Variants in C2orf49 observed in about 807,000 individuals in gnomAD.
The protein encoded by C2orf49 is tRNA splicing ligase complex subunit 2, also known as tRNA-splicing ligase complex subunit ASW.
In C2orf49, 11 loss-of-function variants were observed where a neutral mutation model predicts 20.6. The observed-to-expected ratio is 0.53, with a 90% CI of 0.34 to 0.88. The LOEUF (loss-of-function observed/expected upper bound fraction) is 0.88, where lower values mean the gene tolerates loss of function less well. Among genes scored for constraint, C2orf49 ranks in the 40% least tolerant of loss-of-function variants. C2orf49 has a pLI of 0.02. For missense variants in C2orf49, 289 were observed against 274.2 expected (o/e 1.05, Z -0.38); for synonymous variants, 134 against 108.5 (o/e 1.24, Z -1.46).
chr2:105,384,036 A>G, the C2orf49 span, among the ~76,000 whole-genome samples: 2 of 152,186 alleles, frequency 1.3e-5, no homozygotes, highest in African/African-American at 4.8e-5. Context: ...GCGTGGAAGG[A>G]TGACGGCTTT....
the C2orf49 span, chr2:105,363,548 C>T: frequency 7.5e-6 from 10 of 1,341,340 alleles, no homozygotes; most frequent in East Asian, 1.0e-4. Context: ...TGCCACTGGA[C>T]GATGCAAGAT....
In C2orf49 at chr2:105,343,181, G is replaced by C. The variant is rs1679719802; in HGVS notation, c.600G>C (p.Val200=). ...TGTCCCCTGTTGGAACTACTCCAGT[G>C]AAGTTAAAGAGAGCTGCTCCTAAAG... is the stretch of plus-strand genomic sequence containing the variant. The part of the protein sequence containing the change: ...PPLSPVGTTP[V]KLKRAAPKEE... The change falls in exon 3 of 4, where the codon GTG becomes GTC. Residue 200 remains valine (V), a synonymous_variant. Transcript: ENST00000258457. 6.2e-7 allele frequency: 1 copy of C among 1,611,316 alleles called. No homozygotes were observed. The highest frequency in any genetic ancestry group is 8.5e-7 in the Non-Finnish European group (1 of 1,179,104).
the C2orf49 span, among the ~76,000 whole-genome samples, chr2:105,385,516 C>G: frequency 6.6e-6 from 1 of 152,160 alleles, no homozygotes; most frequent in African/African-American, 2.4e-5. Flanking sequence ...TGACTTGGTG[C>G]CCATTCAGTT....
the C2orf49 span, among the ~76,000 whole-genome samples, chr2:105,365,226 G>A: frequency 6.6e-6 from 1 of 152,104 alleles, no homozygotes. Flanking sequence ...CTCCTCCATA[G>A]CACACTGCTC....
At chr2:105,338,061 C>A (rs1012663594) in intron 1 of C2orf49, among the ~76,000 whole-genome samples, 2 of 152,120 alleles carry the variant, frequency 1.3e-5, no homozygotes, top group African/African-American at 4.8e-5. Flanking sequence ...ATCTGAGAAA[C>A]CGTCCATTCC....
rs1679869958 is a variant in C2orf49 at position 105,348,556 on chromosome 2, A to ATATATATATATG, written c.*3186_*3187insATATATATATGT. The ATATATATATATG allele has an allele frequency of 7.1e-6, 1 of 141,506 alleles. No individual in the cohort carries two copies. The highest frequency in any genetic ancestry group is 1.5e-5 in the Non-Finnish European group (1 of 64,784). 8.8% of individuals were successfully genotyped at this position (141,506 alleles called of 1,614,324 possible). The stretch of plus-strand genomic sequence containing the variant: ...TATATATATATATATATATATATAT[A>ATATATATATATG]TGTAAGAGCTTCCTCTATTTACTAC... On this transcript the variant is annotated 3_prime_UTR_variant, in exon 4 of 4. Coordinates refer to ENST00000258457, the MANE Select transcript of C2orf49 (RefSeq NM_024093.3).
At chr2:105,383,398 C>T in the C2orf49 span, among the ~76,000 whole-genome samples, 2 of 152,136 alleles carry the variant, frequency 1.3e-5, no homozygotes. Context: ...TAATCTTTAC[C>T]CTTTGAGATC....
At position 105,337,571 on chromosome 2, in the gene C2orf49, G is replaced by T. The variant is rs1679532882; in HGVS notation, c.-17G>T. On this transcript the variant is annotated 5_prime_UTR_variant, in exon 1 of 4. Coordinates refer to ENST00000258457, the MANE Select transcript of C2orf49 (RefSeq NM_024093.3). ...GGGGCTTTGTGGGTAGCCGACTGGG[G>T]TCTCCTGGCGACGACCATGGCGGGG... is the stretch of plus-strand genomic sequence containing the variant. 1.9e-6 allele frequency: 3 copies of T among 1,613,368 alleles called. No individual in the cohort carries two copies. The highest frequency in any genetic ancestry group is 4.5e-5 in the East Asian group (2 of 44,876).
the C2orf49 span, among the ~76,000 whole-genome samples, chr2:105,380,887 G>A: frequency 0.053 from 8,026 of 152,282 alleles, 668 homozygotes; most frequent in African/African-American, 0.18. Context: ...AAACATGTAC[G>A]ATTAGGCCCA....
intron 3 of C2orf49, among the ~76,000 whole-genome samples, chr2:105,344,442 GAT>G (rs556996803): frequency 1.3e-5 from 2 of 150,500 alleles, no homozygotes; most frequent in Non-Finnish European, 3.0e-5. Flanking sequence ...ATAGATATGA[GAT>G]ATATATATAT....
chr2:105,352,229 T>G (rs188883001), downstream of C2orf49, among the ~76,000 whole-genome samples: 1 of 152,286 alleles, frequency 6.6e-6, no homozygotes, highest in Non-Finnish European at 1.5e-5. Context: ...GTCATATCAT[T>G]TAAGATAGTT....
intron 3 of C2orf49, among the ~76,000 whole-genome samples, chr2:105,344,573 G>T (rs1298130847): frequency 1.3e-5 from 2 of 151,698 alleles, no homozygotes; most frequent in Non-Finnish European, 2.9e-5. Flanking sequence ...TTGACTTTGT[G>T]TTTTTGTTGT....
rs759244023 is a variant in C2orf49, at chr2:105,349,117, T to A, written c.*3746T>A. 6 of 152,200 alleles carry A rather than the reference T, an allele frequency of 3.9e-5. No individual in the cohort carries two copies. Among genetic ancestry groups the A allele is most frequent in the South Asian group, 2.1e-4 (1 of 4,830 alleles). The allele number at this position is 152,200 out of a possible 1,614,324, so 9.4% of individuals were successfully genotyped here. On this transcript the variant is annotated 3_prime_UTR_variant, in exon 4 of 4. Coordinates refer to ENST00000258457, the MANE Select transcript of C2orf49 (RefSeq NM_024093.3). ...AGAGATTCAGTTGAGAGATTTTATG[T>A]TAGAGTGATCTGAAAAAAAGTTAAT...
the C2orf49 span, among the ~76,000 whole-genome samples, chr2:105,382,314 T>C: frequency 2.0e-5 from 3 of 152,218 alleles, no homozygotes; most frequent in Non-Finnish European, 4.4e-5. Context: ...CACCATCTCT[T>C]ACTCATAAGG....
At position 105,342,919 on chromosome 2, in the gene C2orf49, T is replaced by C. The variant is rs1438192270; in HGVS notation, c.338T>C (p.Ile113Thr). 1 of 1,614,148 alleles carries C rather than the reference T, an allele frequency of 6.2e-7. No individual in the cohort carries two copies. The highest frequency in any genetic ancestry group is 2.2e-5 in the East Asian group (1 of 44,886). The change falls in exon 3 of 4, where the codon ATA becomes ACA. Residue 113 changes from isoleucine to threonine, a missense_variant. Ile to Thr is a moderately conservative substitution (Grantham distance 89, BLOSUM62 -1). Coordinates refer to ENST00000258457, the MANE Select transcript of C2orf49 (RefSeq NM_024093.3). The stretch of plus-strand genomic sequence containing the variant: ...GATGGAAGTTCAACAAGTACAAGCA[T>C]AAAAGTGAAAAAGACAGAGAATGGA... ...VFDGSSTSTSIKVKKTENGDN... is the reference protein window; with the variant it reads ...VFDGSSTSTSTKVKKTENGDN...
At chr2:105,367,002 TCCCA>T in the C2orf49 span, among the ~76,000 whole-genome samples, 1 of 152,156 alleles carries the variant, frequency 6.6e-6, no homozygotes, top group Non-Finnish European at 1.5e-5. Context: ...AGCCTTGGCC[TCCCA>T]CAGGTGATCC....
At chr2:105,377,943 CAA>C in the C2orf49 span, 1 of 420,964 alleles carries the variant, frequency 2.4e-6, no homozygotes, top group South Asian at 1.9e-5. Flanking sequence ...TTATCAGTGA[CAA>C]GAGAGGGAAG....
At chr2:105,369,605 T>A in the C2orf49 span, among the ~76,000 whole-genome samples, 6 of 152,160 alleles carry the variant, frequency 3.9e-5, no homozygotes, top group African/African-American at 1.4e-4. Flanking sequence ...GGGTGATGAA[T>A]CCTAAAACAA....
At chr2:105,338,507 C>T (rs1208215868) in intron 1 of C2orf49, among the ~76,000 whole-genome samples, 1 of 152,136 alleles carries the variant, frequency 6.6e-6, no homozygotes, top group Non-Finnish European at 1.5e-5. Flanking sequence ...GTTTCTCGTT[C>T]AGTAGTTCCG....
Sources: allele counts gnomAD v4.1 joint callset (sites outside exome capture counted in the v4.1 genomes callset), GRCh38; gene constraint gnomAD v4.1.1; transcripts MANE v1.5; gene names NCBI Gene and HGNC (gene_info 2026-07-23, HGNC 2026-07-21).